MGMT: variants seen among roughly 807,000 people sequenced by gnomAD.
The protein encoded by MGMT is methylated-DNA--protein-cysteine methyltransferase.
A neutral mutation model predicts 15.9 loss-of-function variants in MGMT; 14 were observed. That is an observed-to-expected ratio of 0.88 (90% CI 0.58 to 1.37). The LOEUF is 1.37. MGMT is among the 40% of genes most tolerant of loss of function. The pLI, the probability that MGMT is intolerant of heterozygous loss-of-function variation, is 0.00. For missense variants in MGMT, 282 were observed against 268.1 expected, an observed-to-expected ratio of 1.05 and a Z score of -0.36; for synonymous variants, 130 against 118.2, an observed-to-expected ratio of 1.10 and a Z score of -0.65.
chr10:129,531,208 C>T (rs766176503), intron 1 of MGMT, among the ~76,000 whole-genome samples: 41 of 152,240 alleles, frequency 2.7e-4, no homozygotes, highest in Admixed American at 5.2e-4. Flanking sequence ...TGGAGTCAGA[C>T]GTCTTTCTTC....
intron 2 of MGMT, among the ~76,000 whole-genome samples, chr10:129,671,891 A>G (rs1225636247): frequency 6.6e-6 from 1 of 152,242 alleles, no homozygotes; most frequent in Non-Finnish European, 1.5e-5. Context: ...GAGTTTGGCA[A>G]ATATCAACAA....
At position 129,478,854 on chromosome 10, in the gene MGMT, C is replaced by T. The variant is rs1261390111; in HGVS notation, c.-13+11558C>T. Among the ~76,000 whole-genome samples, 5 of 150,894 alleles carry T rather than the reference C, an allele frequency of 3.3e-5. No homozygotes were observed. In the East Asian group the frequency reaches 5.8e-4, roughly 17 times the overall value. On this transcript the variant is annotated intron_variant, in intron 1 of 4. Coordinates refer to ENST00000651593, the MANE Select transcript of MGMT (RefSeq NM_002412.5). Reference sequence around the variant, plus strand: ...ATTTGAAGTGTGGATTTCAGTTCTTCGTTATCTTTTATTTATTTATTTACT... The same window carrying T: ...ATTTGAAGTGTGGATTTCAGTTCTTTGTTATCTTTTATTTATTTATTTACT...
chr10:129,702,733 G>T (rs188365573), intron 2 of MGMT, among the ~76,000 whole-genome samples: 1 of 152,354 alleles, frequency 6.6e-6, no homozygotes, highest in Non-Finnish European at 1.5e-5. Context: ...GAGCAAAGGT[G>T]CTCCCCCGGC....
rs1481710026 is a variant in MGMT, at chr10:129,556,190, C to T, written c.125+19813C>T. ...AGAGACCAAGCAGTGCTTTCGGGAT[C>T]GCTCTGTTGGTCTCTGTGTAGCACG... On this transcript the variant is annotated intron_variant, in intron 2 of 4. Coordinates refer to ENST00000651593, the MANE Select transcript of MGMT (RefSeq NM_002412.5). This position sits in a 1 kb window ranked among gnomAD's most constrained non-coding sequence, Gnocchi z 4.3. 1.3e-5 allele frequency among the ~76,000 whole-genome samples: 2 copies of T among 152,158 alleles called. No individual in the cohort carries two copies. Among genetic ancestry groups the T allele is most frequent in the African/African-American group, 2.4e-5 (1 of 41,436 alleles).
At chr10:129,512,703 C>T (rs540307112) in intron 1 of MGMT, among the ~76,000 whole-genome samples, 1 of 152,356 alleles carries the variant, frequency 6.6e-6, no homozygotes, top group East Asian at 1.9e-4. Flanking sequence ...GAATTGTAGT[C>T]TGTGCCGTTC....
At chr10:129,704,864 G>A (rs1221811297) in intron 2 of MGMT, among the ~76,000 whole-genome samples, 1 of 152,146 alleles carries the variant, frequency 6.6e-6, no homozygotes, top group African/African-American at 2.4e-5. Context: ...CTCCAGCACA[G>A]GACAGCGTGT....
chr10:129,548,452 C>T (rs1295875668), intron 2 of MGMT, among the ~76,000 whole-genome samples: 3 of 152,214 alleles, frequency 2.0e-5, no homozygotes, highest in Admixed American at 1.3e-4. Context: ...TTATCCTTTT[C>T]AGTGGCTCTG....
At chr10:129,550,789 C>T (rs1846148486) in intron 2 of MGMT, among the ~76,000 whole-genome samples, 1 of 152,178 alleles carries the variant, frequency 6.6e-6, no homozygotes, top group Non-Finnish European at 1.5e-5. Flanking sequence ...AAACCCGTAC[C>T]CATTAAACAC....
chr10:129,496,879 G>T (rs1845527178), intron 1 of MGMT, among the ~76,000 whole-genome samples: 1 of 151,926 alleles, frequency 6.6e-6, no homozygotes, highest in African/African-American at 2.4e-5. Context: ...TAATTGTAGA[G>T]ATGGGGTCTC....
At chr10:129,479,784 G>A (rs1253958060) in intron 1 of MGMT, among the ~76,000 whole-genome samples, 8 of 137,976 alleles carry the variant, frequency 5.8e-5, no homozygotes, top group African/African-American at 2.1e-4. Context: ...TTGTGGAGGG[G>A]TTGGGGTGGG....
chr10:129,548,728 C>T (rs1449738489), intron 2 of MGMT, among the ~76,000 whole-genome samples: 1 of 152,146 alleles, frequency 6.6e-6, no homozygotes, highest in Admixed American at 6.5e-5. Context: ...GCGTCAGTCC[C>T]ACCTGCAGCT....
chr10:129,670,157 A>G (rs1427172680), intron 2 of MGMT, among the ~76,000 whole-genome samples: 4 of 148,132 alleles, frequency 2.7e-5, no homozygotes, highest in Admixed American at 1.4e-4. Context: ...TCTTTAAATA[A>G]TGTGCAATAG....
At chr10:129,694,599 A>T (rs1848009099) in intron 2 of MGMT, among the ~76,000 whole-genome samples, 1 of 152,118 alleles carries the variant, frequency 6.6e-6, no homozygotes, top group African/African-American at 2.4e-5. Flanking sequence ...TTCCCTTCTC[A>T]GAACTCTCCA....
chr10:129,703,654 G>A (rs1380541815), intron 2 of MGMT, among the ~76,000 whole-genome samples: 1 of 151,880 alleles, frequency 6.6e-6, no homozygotes, highest in Non-Finnish European at 1.5e-5. Flanking sequence ...GGCAGCCCCT[G>A]TGCTCCACTC....
At chr10:129,570,362 G>T (rs895339341) in intron 2 of MGMT, among the ~76,000 whole-genome samples, 1 of 152,276 alleles carries the variant, frequency 6.6e-6, no homozygotes, top group African/African-American at 2.4e-5. Flanking sequence ...GTCCAGTGAC[G>T]CTGATTGAGG....
intron 2 of MGMT, among the ~76,000 whole-genome samples, chr10:129,578,285 A>G (rs528033031): frequency 2.6e-4 from 39 of 152,216 alleles, no homozygotes; most frequent in Admixed American, 2.5e-3. Context: ...AACCAACCCA[A>G]ATGTCCAACA....
chr10:129,755,295 G>C (rs1848791918), intron 3 of MGMT, among the ~76,000 whole-genome samples: 1 of 152,216 alleles, frequency 6.6e-6, no homozygotes, highest in African/African-American at 2.4e-5. Flanking sequence ...GCTGTGACTT[G>C]TGCCAGGGAC....
At chr10:129,570,166 A>G (rs971095456) in intron 2 of MGMT, among the ~76,000 whole-genome samples, 3 of 152,386 alleles carry the variant, frequency 2.0e-5, no homozygotes, top group African/African-American at 4.8e-5. Context: ...TCTTATTCTC[A>G]TCAACTAATA....
intron 2 of MGMT, among the ~76,000 whole-genome samples, chr10:129,689,650 A>C (rs936671546): frequency 6.6e-6 from 1 of 152,240 alleles, no homozygotes; most frequent in Non-Finnish European, 1.5e-5. Flanking sequence ...CGATTGTGCC[A>C]GCTCTTATAA....
Sources: gnomAD v4.1 joint callset for allele counts (sites outside exome capture counted in the v4.1 genomes callset) on GRCh38, gnomAD v4.1.1 for gene constraint, Gnocchi (gnomAD v3.1) non-coding constraint, MANE v1.5 for transcripts, NCBI Gene and HGNC (gene_info 2026-07-23, HGNC 2026-07-21) for gene names.